STON2: variants seen among roughly 807,000 people sequenced by gnomAD.
STON2 encodes stonin 2.
STON2 carries 29 observed loss-of-function variants against 65.7 expected under a neutral mutation model. The observed-to-expected ratio is 0.44, with a 90% CI of 0.33 to 0.60. STON2 has a LOEUF of 0.60. Ranked by LOEUF, STON2 falls within the 20% of genes least tolerant of loss-of-function variation. The pLI is 0.03. For synonymous variants in STON2, 404 were observed against 414.2 expected (o/e 0.98, Z 0.30); for missense variants, 1,054 against 1,118.1 (o/e 0.94, Z 0.82).
rs1894256918 is a variant in STON2 at position 81,263,868 on chromosome 14, C to A, written c.*4546G>T. 1.0e-6 allele frequency: 1 copy of A among 985,294 alleles called. No individual in the cohort carries two copies. The highest frequency in any genetic ancestry group is 1.7e-5 in the African/African-American group (1 of 57,232). 61.0% of individuals were successfully genotyped at this position (985,294 alleles called of 1,614,324 possible). Reference sequence around the variant, plus strand: ...AACTTCAGCTCATTCTGTTTTCCCACCACTAAACTTATGGTGAAATATATA... The same window carrying A: ...AACTTCAGCTCATTCTGTTTTCCCAACACTAAACTTATGGTGAAATATATA... On this transcript the variant is annotated 3_prime_UTR_variant, in exon 8 of 8. Transcript: ENST00000614646.
At chr14:81,421,207 G>A (rs1901688564) in intron 2 of STON2, among the ~76,000 whole-genome samples, 1 of 152,200 alleles carries the variant, frequency 6.6e-6, no homozygotes, top group Non-Finnish European at 1.5e-5. Context: ...CATTAAAAAT[G>A]TATTATGCCC....
At chr14:81,407,925 G>A (rs1012550033) in intron 2 of STON2, among the ~76,000 whole-genome samples, 2 of 152,192 alleles carry the variant, frequency 1.3e-5, no homozygotes, top group African/African-American at 2.4e-5. Context: ...AGGAGCCATA[G>A]AAGCTGAATC....
At chr14:81,406,166 G>C (rs979952490) in intron 2 of STON2, among the ~76,000 whole-genome samples, 1 of 152,196 alleles carries the variant, frequency 6.6e-6, no homozygotes, top group Non-Finnish European at 1.5e-5. Context: ...TTGGGGCTCG[G>C]ATTGGATTCC....
At chr14:81,324,748 AT>A (rs1412235002) in intron 4 of STON2, among the ~76,000 whole-genome samples, 1 of 152,208 alleles carries the variant, frequency 6.6e-6, no homozygotes, top group African/African-American at 2.4e-5. Flanking sequence ...TTAGAAATGG[AT>A]TCACATTGAA....
chr14:81,344,506 T>G (rs1199658053), intron 4 of STON2, among the ~76,000 whole-genome samples: 1 of 152,252 alleles, frequency 6.6e-6, no homozygotes, highest in Non-Finnish European at 1.5e-5. Flanking sequence ...TTTCCATGAC[T>G]GCATAGTATT....
intron 5 of STON2, among the ~76,000 whole-genome samples, chr14:81,281,230 T>C (rs1416509530): frequency 6.6e-6 from 1 of 152,176 alleles, no homozygotes; most frequent in Non-Finnish European, 1.5e-5. Flanking sequence ...AAGTGATTAA[T>C]TTTCTGAAAA....
chr14:81,270,141 A>G (rs1208064448), intron 7 of STON2: 2 of 702,442 alleles, frequency 2.8e-6, no homozygotes, highest in Non-Finnish European at 3.5e-6. Flanking sequence ...AGGCTGGAGT[A>G]CAGTGGTGCA....
In STON2 at chr14:81,396,319, C is replaced by A. The variant is rs1248369912; in HGVS notation, c.89-141G>T. On this transcript the variant is annotated intron_variant, in intron 2 of 7. Coordinates refer to ENST00000614646, the MANE Select transcript of STON2 (RefSeq NM_001394390.1). ...GAGTGGGGAGAAGAAAGAGCCACAC[C>A]CATCTGACTGCATGTTAAATGACTG... The A allele has an allele frequency of 8.7e-6, 6 of 689,374 alleles. No individual in the cohort carries two copies. The African/African-American group carries it at 1.1e-4, about 12-fold the overall frequency. The allele number at this position is 689,374 out of a possible 1,614,324, so 42.7% of individuals were successfully genotyped here. A position where few individuals can be genotyped will look rare whatever the true frequency, so the allele number is the denominator to read the frequency against.
At chr14:81,428,394 T>C (rs531073780) in intron 1 of STON2, among the ~76,000 whole-genome samples, 1 of 152,326 alleles carries the variant, frequency 6.6e-6, no homozygotes, top group Admixed American at 6.5e-5. Flanking sequence ...CTTATCCACT[T>C]AACCATGGCA....
At chr14:81,421,636 G>C (rs1303488695) in intron 2 of STON2, among the ~76,000 whole-genome samples, 1 of 152,146 alleles carries the variant, frequency 6.6e-6, no homozygotes, top group Non-Finnish European at 1.5e-5. Flanking sequence ...GATTGTGGAA[G>C]TAAAGATGCA....
At chr14:81,388,857 T>C (rs1476476611) in intron 3 of STON2, among the ~76,000 whole-genome samples, 1 of 152,172 alleles carries the variant, frequency 6.6e-6, no homozygotes, top group Admixed American at 6.5e-5. Context: ...CTTTCCCAAC[T>C]TCTCTCTACA....
intron 3 of STON2, among the ~76,000 whole-genome samples, chr14:81,381,276 A>G (rs1899501335): frequency 6.6e-6 from 1 of 151,552 alleles, no homozygotes; most frequent in Non-Finnish European, 1.5e-5. Flanking sequence ...ATGACTTTGG[A>G]GTAGAGAAAT....
chr14:81,272,049 C>G (rs1428071617), intron 6 of STON2, among the ~76,000 whole-genome samples: 1 of 152,074 alleles, frequency 6.6e-6, no homozygotes, highest in Non-Finnish European at 1.5e-5. Flanking sequence ...GGTGAAACCC[C>G]GTCTCTACTA....
At chr14:81,364,020 T>G (rs1388453965) in intron 4 of STON2, among the ~76,000 whole-genome samples, 1 of 152,206 alleles carries the variant, frequency 6.6e-6, no homozygotes, top group Non-Finnish European at 1.5e-5. Context: ...TCTGAGCATC[T>G]AAAGTTGTTG....
chr14:81,270,809 G>A lies in STON2; in HGVS notation c.2645C>T (p.Ser882Phe), dbSNP rs1235598843. 6.2e-7 allele frequency: 1 copy of A among 1,613,974 alleles called. No individual in the cohort carries two copies. The highest frequency in any genetic ancestry group is 2.2e-5 in the East Asian group (1 of 44,890). ...LELGSDREVPSRFANHVNVEF... is the reference protein window; with the variant it reads ...LELGSDREVPFRFANHVNVEF... ...GACATTCACGTGATTGGCAAATCTGGAAGGCACTTCCCGGTCAGAGCCGAG... is the reference window on the plus strand; with the variant it reads ...GACATTCACGTGATTGGCAAATCTGAAAGGCACTTCCCGGTCAGAGCCGAG... The change falls in exon 7 of 8, where the codon TCC becomes TTC. Residue 882 changes from serine to phenylalanine, a missense_variant. By Grantham distance (155) the Ser-to-Phe change is radical. Coordinates refer to ENST00000614646, the MANE Select transcript of STON2 (RefSeq NM_001394390.1).
At chr14:81,311,248 T>C (rs866681588) in intron 5 of STON2, among the ~76,000 whole-genome samples, 39 of 151,536 alleles carry the variant, frequency 2.6e-4, no homozygotes, top group African/African-American at 9.0e-4. Flanking sequence ...AGGAGAAGAG[T>C]ATGGGAATAG....
At chr14:81,357,702 G>A (rs369615350) in intron 4 of STON2, among the ~76,000 whole-genome samples, 2,122 of 152,108 alleles carry the variant, frequency 0.014, 30 homozygotes, top group South Asian at 0.049. Flanking sequence ...GGAATACTAC[G>A]CAGCCATAAA....
chr14:81,420,890 A>G (rs958886823), intron 2 of STON2, among the ~76,000 whole-genome samples: 1 of 151,954 alleles, frequency 6.6e-6, no homozygotes, highest in African/African-American at 2.4e-5. Context: ...TCCTACGTCC[A>G]CCCCCAAACC....
intron 4 of STON2, among the ~76,000 whole-genome samples, chr14:81,343,827 T>G (rs182138651): frequency 7.9e-5 from 12 of 151,928 alleles, no homozygotes; most frequent in Admixed American, 2.6e-4. Flanking sequence ...TTGTCATCAT[T>G]ATTATTATTA....
Sources: allele counts gnomAD v4.1 joint callset (sites outside exome capture counted in the v4.1 genomes callset), GRCh38; gene constraint gnomAD v4.1.1; transcripts MANE v1.5; gene names NCBI Gene and HGNC (gene_info 2026-07-23, HGNC 2026-07-21).